The following L3MBTL4 variants were observed in gnomAD, a reference collection of about 807,000 sequenced individuals.
L3MBTL4 encodes the protein L3MBTL histone methyl-lysine binding protein 4.
L3MBTL4 carries 70 observed loss-of-function variants against 84.5 expected under a neutral mutation model. The observed-to-expected ratio is 0.83, with a 90% CI of 0.68 to 1.01. The LOEUF is 1.01. Among genes scored for constraint, L3MBTL4 ranks in the 50% least tolerant of loss-of-function variants. The pLI, the probability that L3MBTL4 is intolerant of heterozygous loss-of-function variation, is 0.00. For missense variants in L3MBTL4, 715 were observed against 754.8 expected (o/e 0.95, Z 0.62); for synonymous variants, 274 against 259.8 (o/e 1.05, Z -0.52).
intron 12 of L3MBTL4, among the ~76,000 whole-genome samples, chr18:6,192,314 G>A (rs557177013): frequency 3.9e-5 from 6 of 152,310 alleles, no homozygotes; most frequent in South Asian, 2.1e-4. Flanking sequence ...AGGGAAAAAC[G>A]AAGGATAAGG....
At chr18:6,296,655 G>T (rs907349772) in intron 4 of L3MBTL4, among the ~76,000 whole-genome samples, 6 of 152,156 alleles carry the variant, frequency 3.9e-5, no homozygotes, top group African/African-American at 1.4e-4. Flanking sequence ...CCTGGTGGCA[G>T]GTGACAAACA....
At chr18:6,111,501 G>A (rs954098659) in intron 14 of L3MBTL4, among the ~76,000 whole-genome samples, 5 of 152,104 alleles carry the variant, frequency 3.3e-5, no homozygotes, top group African/African-American at 1.2e-4. Context: ...GATATCACTT[G>A]CATATTGAGG....
chr18:6,031,991 T>TG (rs1164269303), intron 16 of L3MBTL4: 51 of 379,592 alleles, frequency 1.3e-4, no homozygotes, highest in Non-Finnish European at 1.8e-4. Context: ...TTTCTTTTTT[T>TG]TTTTGAGACG....
At chr18:6,153,727 T>C (rs1381823823) in intron 13 of L3MBTL4, among the ~76,000 whole-genome samples, 1 of 152,176 alleles carries the variant, frequency 6.6e-6, no homozygotes, top group Non-Finnish European at 1.5e-5. Flanking sequence ...GCTGTTCTCA[T>C]GATAGTGAGT....
chr18:6,180,686 GT>G (rs775258720), intron 12 of L3MBTL4, among the ~76,000 whole-genome samples: 1 of 152,276 alleles, frequency 6.6e-6, no homozygotes, highest in Non-Finnish European at 1.5e-5. Flanking sequence ...TTAAAGCAGT[GT>G]TTTTCAAAAT....
At chr18:6,090,274 A>G (rs1244423763) in intron 15 of L3MBTL4, among the ~76,000 whole-genome samples, 3 of 152,168 alleles carry the variant, frequency 2.0e-5, no homozygotes, top group Non-Finnish European at 4.4e-5. Flanking sequence ...AGCAGTACAT[A>G]TATAAATCTC....
chr18:6,070,220 A>T (rs1172613310), intron 16 of L3MBTL4, among the ~76,000 whole-genome samples: 1 of 152,200 alleles, frequency 6.6e-6, no homozygotes, highest in Non-Finnish European at 1.5e-5. Flanking sequence ...AATCCTAAAG[A>T]GACAAATATA....
chr18:6,134,450 T>G (rs1293991386), intron 14 of L3MBTL4, among the ~76,000 whole-genome samples: 1 of 152,166 alleles, frequency 6.6e-6, no homozygotes, highest in African/African-American at 2.4e-5. Flanking sequence ...GTCCAAAGTC[T>G]CATCTGAAAC....
At chr18:6,242,091 G>A (rs1379485377) in intron 7 of L3MBTL4, among the ~76,000 whole-genome samples, 1 of 152,174 alleles carries the variant, frequency 6.6e-6, no homozygotes, top group Non-Finnish European at 1.5e-5. Flanking sequence ...TCAAAATATG[G>A]TTCTGAGCAC....
At chr18:6,040,966 A>C (rs2056374568) in intron 16 of L3MBTL4, among the ~76,000 whole-genome samples, 1 of 152,248 alleles carries the variant, frequency 6.6e-6, no homozygotes, top group Admixed American at 6.5e-5. Flanking sequence ...AAAAAAGTAA[A>C]ACAAGAACAA....
At chr18:6,175,387 AAAAAAAG>A (rs1364870334) in intron 12 of L3MBTL4, among the ~76,000 whole-genome samples, 1 of 152,208 alleles carries the variant, frequency 6.6e-6, no homozygotes, top group Non-Finnish European at 1.5e-5. Context: ...AGATAAACAA[AAAAAAAG>A]AATACGCACT....
chr18:6,212,359 C>T (rs1317419863), intron 12 of L3MBTL4, among the ~76,000 whole-genome samples: 1 of 152,130 alleles, frequency 6.6e-6, no homozygotes, highest in Admixed American at 6.5e-5. Context: ...TATATCGAAC[C>T]TAAATCTATC....
intron 16 of L3MBTL4, among the ~76,000 whole-genome samples, chr18:6,013,605 G>C (rs755407623): frequency 6.6e-6 from 1 of 152,128 alleles, no homozygotes; most frequent in Admixed American, 6.5e-5. Flanking sequence ...GCGCGTCCTC[G>C]GCCCTCTGTG....
chr18:5,975,572 T>C (rs1040750090), intron 16 of L3MBTL4, among the ~76,000 whole-genome samples: 2 of 152,242 alleles, frequency 1.3e-5, no homozygotes, highest in Non-Finnish European at 2.9e-5. Context: ...GATCACCTGT[T>C]CTCATGCCCT....
At chr18:6,007,179 TA>T (rs1311944986) in intron 16 of L3MBTL4, among the ~76,000 whole-genome samples, 3 of 151,654 alleles carry the variant, frequency 2.0e-5, no homozygotes, top group Non-Finnish European at 2.9e-5. Context: ...AATGGGGTTT[TA>T]AAAAAAACCA....
At chr18:5,974,296 C>A (rs566645261) in intron 16 of L3MBTL4, among the ~76,000 whole-genome samples, 1 of 152,316 alleles carries the variant, frequency 6.6e-6, no homozygotes, top group African/African-American at 2.4e-5. Context: ...AGCTCTGTGT[C>A]CAGCTGCAGG....
intron 12 of L3MBTL4, among the ~76,000 whole-genome samples, chr18:6,177,022 T>G (rs1224175547): frequency 3.9e-5 from 6 of 152,200 alleles, no homozygotes; most frequent in African/African-American, 1.2e-4. Context: ...CCTGAAGCAT[T>G]CATACCAATG....
intron 1 of L3MBTL4, among the ~76,000 whole-genome samples, chr18:6,353,563 AT>A (rs1361981215): frequency 6.6e-6 from 1 of 152,172 alleles, no homozygotes; most frequent in African/African-American, 2.4e-5. Context: ...CCACAAAAAA[AT>A]CTATTAGAAA....
intron 1 of L3MBTL4, among the ~76,000 whole-genome samples, chr18:6,339,641 C>A (rs1188319523): frequency 6.6e-6 from 1 of 151,790 alleles, no homozygotes. Context: ...GCACAATAGA[C>A]AAAGCCAAAG....
Sources: gnomAD v4.1 joint callset for allele counts (sites outside exome capture counted in the v4.1 genomes callset) on GRCh38, gnomAD v4.1.1 for gene constraint, MANE v1.5 for transcripts, NCBI Gene and HGNC (gene_info 2026-07-23, HGNC 2026-07-21) for gene names.